Variants in COMMD8 observed in about 807,000 individuals in gnomAD.
COMMD8 encodes COMM domain-containing protein 8.
Under a neutral mutation model 27.2 loss-of-function variants are expected in COMMD8, and 28 were observed. That is an observed-to-expected ratio of 1.03 (90% CI 0.76 to 1.41). COMMD8 has a LOEUF of 1.41. Among genes scored for constraint, COMMD8 ranks in the 40% most tolerant of loss-of-function variants. COMMD8 has a pLI of 0.00. For missense variants in COMMD8, 217 were observed against 211.2 expected (o/e 1.03, Z -0.17); for synonymous variants, 79 against 75.5 (o/e 1.05, Z -0.24).
At chr4:47,458,544 C>A (rs2109356731) in intron 2 of COMMD8, among the ~76,000 whole-genome samples, 1 of 152,154 alleles carries the variant, frequency 6.6e-6, no homozygotes, top group East Asian at 1.9e-4. Context: ...TAAAGCTAAT[C>A]TAAATAAATA....
intron 1 of COMMD8, 53 bp downstream of exon 1, chr4:47,463,533 G>A (rs895191676): frequency 5.3e-6 from 8 of 1,503,694 alleles, no homozygotes; most frequent in East Asian, 4.9e-5. Flanking sequence ...TCCGCACGCC[G>A]GGCTGTCGCG....
intron 2 of COMMD8, among the ~76,000 whole-genome samples, chr4:47,459,076 TTCA>T (rs1729957532): frequency 6.6e-6 from 1 of 152,096 alleles, no homozygotes; most frequent in Non-Finnish European, 1.5e-5. Flanking sequence ...TCCAAGAATC[TTCA>T]TGTCTTCAGC....
At chr4:47,460,345 A>G (rs760020341) in intron 1 of COMMD8, 46 bp from the exon 2 acceptor site, 6 of 1,504,614 alleles carry the variant, frequency 4.0e-6, no homozygotes, top group Admixed American at 1.9e-5. Flanking sequence ...TAAAATGATG[A>G]AACAAATTTA....
intron 1 of COMMD8, among the ~76,000 whole-genome samples, chr4:47,461,685 A>G (rs966107852): frequency 1.3e-4 from 20 of 152,226 alleles, no homozygotes; most frequent in South Asian, 6.2e-4. Context: ...GACTTTATTT[A>G]ATGGCAAAGA....
Position 47,456,746 on chromosome 4 carries a change from A to T in COMMD8, c.223-17T>A. The T allele has an allele frequency of 1.3e-6, 2 of 1,554,124 alleles. No individual in the cohort carries two copies. Among genetic ancestry groups the T allele is most frequent in the South Asian group, 2.4e-5 (2 of 82,018 alleles). ...CTGAAATATCTATAAAAATAAAAAC[A>T]GGCAAAAGGGGCTTTCTGTTTAAAA... On this transcript the variant is annotated splice_polypyrimidine_tract_variant and intron_variant, in intron 2 of 4. Coordinates refer to ENST00000381571, the MANE Select transcript of COMMD8 (RefSeq NM_017845.5).
At chr4:47,455,872 A>C (rs180904251) in intron 3 of COMMD8, among the ~76,000 whole-genome samples, 99 of 152,318 alleles carry the variant, frequency 6.5e-4, no homozygotes, top group Non-Finnish European at 5.6e-4. Flanking sequence ...TTTTAATAAT[A>C]TCTTATAGAT....
At chr4:47,454,789 C>T (rs1456424534) in intron 3 of COMMD8, among the ~76,000 whole-genome samples, 1 of 133,636 alleles carries the variant, frequency 7.5e-6, no homozygotes, top group Non-Finnish European at 1.5e-5. Context: ...CACTTGAACC[C>T]GGGAGGTGGG....
At chr4:47,453,940 A>T (rs1244330432) in intron 3 of COMMD8, among the ~76,000 whole-genome samples, 1 of 152,212 alleles carries the variant, frequency 6.6e-6, no homozygotes, top group Non-Finnish European at 1.5e-5. Flanking sequence ...TGCAATGATA[A>T]GGGACATCTT....
intron 1 of COMMD8, among the ~76,000 whole-genome samples, chr4:47,461,420 T>C (rs1730022617): frequency 6.6e-6 from 1 of 152,144 alleles, no homozygotes; most frequent in Admixed American, 6.5e-5. Context: ...TGGTGGCTAA[T>C]ATACTATACA....
At position 47,450,895 on chromosome 4, in the gene COMMD8, A is replaced by G. The variant is rs1729734948; in HGVS notation, c.*750T>C. 1 of 152,222 alleles carries G rather than the reference A, an allele frequency of 6.6e-6. No homozygotes were observed. The highest frequency in any genetic ancestry group is 1.5e-5 in the Non-Finnish European group (1 of 68,028). The allele number at this position is 152,222 out of a possible 1,614,324, so 9.4% of individuals were successfully genotyped here. ...GTATTCAATATTGAGTTTATTAACAAAAGTGGATGTGTACATAGTCTTATC... is the reference window on the plus strand; with the variant it reads ...GTATTCAATATTGAGTTTATTAACAGAAGTGGATGTGTACATAGTCTTATC... On this transcript the variant is annotated 3_prime_UTR_variant, in exon 5 of 5. Coordinates refer to ENST00000381571, the MANE Select transcript of COMMD8 (RefSeq NM_017845.5).
Position 47,463,665 on chromosome 4 carries a change from T to A in COMMD8, c.-14A>T. The A allele has an allele frequency of 6.5e-7, 1 of 1,546,670 alleles. No homozygotes were observed. Among genetic ancestry groups the A allele is most frequent in the Non-Finnish European group, 8.7e-7 (1 of 1,144,982 alleles). On this transcript the variant is annotated 5_prime_UTR_variant, in exon 1 of 5. Coordinates refer to ENST00000381571, the MANE Select transcript of COMMD8 (RefSeq NM_017845.5). ...TTCCGGCTCCATCCCTGCGCGAAGC[T>A]GGGGCTTGGGTCACGTGTCAAGGCT...
intron 2 of COMMD8, among the ~76,000 whole-genome samples, chr4:47,459,028 T>C (rs998971533): frequency 1.4e-4 from 22 of 152,174 alleles, no homozygotes; most frequent in Non-Finnish European, 2.5e-4. Context: ...AGTAACATAA[T>C]GTGAAAGCTA....
chr4:47,453,387 GAGAA>G (rs1729808117), intron 3 of COMMD8, among the ~76,000 whole-genome samples, 173 bp from the exon 4 acceptor site: 1 of 152,178 alleles, frequency 6.6e-6, no homozygotes, highest in Non-Finnish European at 1.5e-5. Context: ...AGAACAGAAA[GAGAA>G]AGGAGAGTGA....
Position 47,460,138 on chromosome 4 carries a change from A to C in COMMD8, c.222+6T>G. On this transcript the variant is annotated splice_donor_region_variant and intron_variant, in intron 2 of 4. Coordinates refer to ENST00000381571, the MANE Select transcript of COMMD8 (RefSeq NM_017845.5). ...TGTAAGTTATAGAAATGTGCAGAGA[A>C]GTTACCTCTTCATCAGGTAAGTTTT... The C allele has an allele frequency of 6.2e-7, 1 of 1,611,620 alleles. No homozygotes were observed. Among genetic ancestry groups the C allele is most frequent in the Non-Finnish European group, 8.5e-7 (1 of 1,178,716 alleles).
intron 2 of COMMD8, 24 bp downstream of exon 2, chr4:47,460,120 T>C: frequency 6.2e-7 from 1 of 1,601,624 alleles, no homozygotes; most frequent in Non-Finnish European, 8.5e-7. Flanking sequence ...TATTGTAAGT[T>C]ATAGAAATGT....
chr4:47,456,267 C>CATATAT (rs34279197), intron 3 of COMMD8, among the ~76,000 whole-genome samples: 7,384 of 118,300 alleles, frequency 0.062, 319 homozygotes, highest in East Asian at 0.14. Context: ...ATAAATTATA[C>CATATAT]ATATATATAT....
At chr4:47,462,649 T>C (rs184024397) in intron 1 of COMMD8, among the ~76,000 whole-genome samples, 74 of 152,142 alleles carry the variant, frequency 4.9e-4, no homozygotes, top group African/African-American at 1.7e-3. Context: ...TCTAAATGGG[T>C]AGAGTGAAGA....
intron 1 of COMMD8, among the ~76,000 whole-genome samples, chr4:47,462,074 G>A (rs981779994): frequency 1.3e-5 from 2 of 152,086 alleles, no homozygotes; most frequent in Admixed American, 6.5e-5. Context: ...CTGGAGAGGT[G>A]GGTGGAGCCA....
At chr4:47,458,218 T>C (rs2109356544) in intron 2 of COMMD8, among the ~76,000 whole-genome samples, 1 of 152,140 alleles carries the variant, frequency 6.6e-6, no homozygotes, top group African/African-American at 2.4e-5. Context: ...TAGATATATA[T>C]CTACTATGAC....
Sources: allele counts gnomAD v4.1 joint callset (sites outside exome capture counted in the v4.1 genomes callset), GRCh38; gene constraint gnomAD v4.1.1; transcripts MANE v1.5; gene names NCBI Gene and HGNC (gene_info 2026-07-23, HGNC 2026-07-21).